Variants in RAB19 observed in about 807,000 individuals in gnomAD.
RAB19 encodes the protein RAB19, member RAS oncogene family.
Under a neutral mutation model 17.3 loss-of-function variants are expected in RAB19, and 21 were observed. That is an observed-to-expected ratio of 1.21 (90% CI 0.86 to 1.74). The LOEUF is 1.74. Ranked by LOEUF, RAB19 falls within the 40% of genes most tolerant of loss-of-function variation. The pLI is 0.00. For missense variants in RAB19, 277 were observed against 286.8 expected (o/e 0.97, Z 0.25); for synonymous variants, 126 against 110.4 (o/e 1.14, Z -0.88).
chr7:140,418,126 C>T (rs1288171314), intron 3 of RAB19, among the ~76,000 whole-genome samples: 2 of 152,072 alleles, frequency 1.3e-5, no homozygotes, highest in East Asian at 3.8e-4. Flanking sequence ...TGACACTGGG[C>T]AGGTTGGTGA....
At chr7:140,424,353 C>T (rs1056881404) in intron 3 of RAB19, among the ~76,000 whole-genome samples, 2 of 151,342 alleles carry the variant, frequency 1.3e-5, no homozygotes, top group Admixed American at 6.6e-5. Context: ...AATGGGGTTT[C>T]GCCATGTTGG....
In RAB19 at chr7:140,407,638, G is replaced by T; in HGVS notation, c.-9G>T. The stretch of plus-strand genomic sequence containing the variant: ...TTTCTTCCTAGTTCTGTTCTAGGTG[G>T]CAAGAACCATGCACTTCTCCAGCTC... On this transcript the variant is annotated 5_prime_UTR_variant, in exon 2 of 4. Coordinates refer to ENST00000537763, the MANE Select transcript of RAB19 (RefSeq NM_001008749.3). 6.2e-7 allele frequency: 1 copy of T among 1,613,720 alleles called. No homozygotes were observed.
At chr7:140,414,187 G>A (rs1479789433) in intron 3 of RAB19, among the ~76,000 whole-genome samples, 2 of 152,118 alleles carry the variant, frequency 1.3e-5, no homozygotes, top group Non-Finnish European at 2.9e-5. Context: ...TGGGATTACA[G>A]GCTCCCGCCA....
At chr7:140,411,637 G>A (rs967428938) in intron 2 of RAB19, among the ~76,000 whole-genome samples, 62 of 152,092 alleles carry the variant, frequency 4.1e-4, no homozygotes, top group African/African-American at 1.3e-3. Flanking sequence ...AATGTGTCCC[G>A]TGGGTTGCGG....
At chr7:140,425,774 G>C (rs1173771449) in intron 3 of RAB19, 108 bp from the exon 4 acceptor site, 5 of 1,140,822 alleles carry the variant, frequency 4.4e-6, no homozygotes, top group Non-Finnish European at 6.3e-6. Flanking sequence ...ATTTGTGAAT[G>C]AATGCATGCA....
At chr7:140,420,746 T>C (rs11971702) in intron 3 of RAB19, among the ~76,000 whole-genome samples, 69,073 of 151,850 alleles carry the variant, frequency 0.45, 15,839 homozygotes, top group Admixed American at 0.57. Context: ...ACCTGCATTC[T>C]GGGCACTAGG....
At chr7:140,425,584 C>T (rs1285576088) in intron 3 of RAB19, among the ~76,000 whole-genome samples, 2 of 151,838 alleles carry the variant, frequency 1.3e-5, no homozygotes, top group African/African-American at 2.4e-5. Flanking sequence ...ACTAGCCGGG[C>T]GTGGTGGCAG....
intron 2 of RAB19, among the ~76,000 whole-genome samples, chr7:140,409,688 ACT>A (rs1338863629): frequency 2.7e-5 from 4 of 148,470 alleles, no homozygotes; most frequent in African/African-American, 1.0e-4. Flanking sequence ...TCAGAGCAAG[ACT>A]CTGTCTCAAA....
At position 140,405,211 on chromosome 7, in the gene RAB19, TTTTG is replaced by T. The variant is rs61483734; in HGVS notation, c.-24+1014_-24+1017del. Among the ~76,000 whole-genome samples, 29 of 150,300 alleles carry T rather than the reference TTTTG, an allele frequency of 1.9e-4. No individual in the cohort carries two copies. The East Asian group carries it at 2.0e-3, about 10-fold the overall frequency. On this transcript the variant is annotated intron_variant, in intron 1 of 3. Transcript: ENST00000537763. ...GAGACAGAGGTTTTTGGTTTTGTGTTTTTGTTTGTTTGTTTGTTTGTTTTTTGAA... is the reference window on the plus strand; with the variant it reads ...GAGACAGAGGTTTTTGGTTTTGTGTTTTTGTTTGTTTGTTTGTTTTTTGAA...
In RAB19 at chr7:140,426,320, C is replaced by A; in HGVS notation, c.*170C>A. Reference sequence around the variant, plus strand: ...CACACTTCTCCCTTGACTCACACCACAGGTCATAGCTGCTGACTCTCAGGA... The same window carrying A: ...CACACTTCTCCCTTGACTCACACCAAAGGTCATAGCTGCTGACTCTCAGGA... On this transcript the variant is annotated 3_prime_UTR_variant, in exon 4 of 4. Transcript: ENST00000537763. The A allele has an allele frequency of 1.5e-6, 1 of 686,008 alleles. No homozygotes were observed. Among genetic ancestry groups the A allele is most frequent in the Non-Finnish European group, 2.4e-6 (1 of 424,026 alleles). 42.5% of individuals were successfully genotyped at this position (686,008 alleles called of 1,614,324 possible).
chr7:140,422,311 C>A (rs1056603393), intron 3 of RAB19, among the ~76,000 whole-genome samples: 5 of 152,008 alleles, frequency 3.3e-5, no homozygotes, highest in Non-Finnish European at 7.4e-5. Flanking sequence ...ATCACTTGAA[C>A]CTGGGAAGTG....
chr7:140,408,039 G>A lies in RAB19; in HGVS notation c.201+192G>A, dbSNP rs529298312. 1.8e-4 allele frequency among the ~76,000 whole-genome samples: 22 copies of A among 123,958 alleles called. 1 individual carries two copies. Among genetic ancestry groups the A allele is most frequent in the Admixed American group, 4.6e-4 (5 of 10,760 alleles). The allele number at this position is 123,958 out of a possible 152,430, so 81.3% of individuals were successfully genotyped here. On this transcript the variant is annotated intron_variant, in intron 2 of 3. Coordinates refer to ENST00000537763, the MANE Select transcript of RAB19 (RefSeq NM_001008749.3). ...ACTACAGGCGCCCGCCACCACGCCC[G>A]GCAAATTTTTTTTTTTTTTATGTAT...
At chr7:140,423,148 A>G (rs2130161374) in intron 3 of RAB19, among the ~76,000 whole-genome samples, 1 of 151,862 alleles carries the variant, frequency 6.6e-6, no homozygotes, top group South Asian at 2.1e-4. Flanking sequence ...TTAAACAAAT[A>G]TTGGTCCTTG....
chr7:140,411,538 T>TAA (rs11449354), intron 2 of RAB19, among the ~76,000 whole-genome samples: 52,825 of 144,690 alleles, frequency 0.37, 10,014 homozygotes, highest in Non-Finnish European at 0.46. Flanking sequence ...CCTGATGAGC[T>TAA]AAAAAAAAAA....
At chr7:140,406,807 C>G (rs1799250326) in intron 1 of RAB19, among the ~76,000 whole-genome samples, 1 of 152,124 alleles carries the variant, frequency 6.6e-6, no homozygotes, top group African/African-American at 2.4e-5. Context: ...TCATGTCACT[C>G]TTCCCCAAGC....
intron 3 of RAB19, among the ~76,000 whole-genome samples, chr7:140,421,040 C>CCAT (rs1799553589): frequency 6.6e-6 from 1 of 151,414 alleles, no homozygotes; most frequent in East Asian, 2.0e-4. Flanking sequence ...TTATAGGCGC[C>CCAT]CACCACCACA....
At chr7:140,420,771 GC>G (rs1191769549) in intron 3 of RAB19, among the ~76,000 whole-genome samples, 6 of 152,068 alleles carry the variant, frequency 3.9e-5, no homozygotes, top group Admixed American at 2.0e-4. Flanking sequence ...CTTGAAGGAG[GC>G]CCCAGCCCTT....
In RAB19 at chr7:140,411,898, C is replaced by G; in HGVS notation, c.226C>G (p.Gln76Glu). 6.2e-7 allele frequency: 1 copy of G among 1,614,192 alleles called. No individual in the cohort carries two copies. The highest frequency in any genetic ancestry group is 8.5e-7 in the Non-Finnish European group (1 of 1,180,038). ...VKMQVWDTAG[Q>E]ERFRTITQSY... is the part of the protein sequence containing the mutation. ...GATGCAGGTGTGGGACACAGCTGGCCAGGAGCGCTTCCGCACCATCACCCA... is the reference window on the plus strand; with the variant it reads ...GATGCAGGTGTGGGACACAGCTGGCGAGGAGCGCTTCCGCACCATCACCCA... The change falls in exon 3 of 4, where the codon CAG becomes GAG. Residue 76 changes from glutamine to glutamate, a missense_variant. Gln to Glu is a conservative substitution (Grantham distance 29). Transcript: ENST00000537763.
chr7:140,415,117 C>T (rs542770243), intron 3 of RAB19, among the ~76,000 whole-genome samples: 38 of 151,552 alleles, frequency 2.5e-4, no homozygotes, highest in Admixed American at 2.2e-3. Flanking sequence ...CTCTGTCGCC[C>T]AGGCTGGAGT....
Sources: gnomAD v4.1 joint callset for allele counts (sites outside exome capture counted in the v4.1 genomes callset) on GRCh38, gnomAD v4.1.1 for gene constraint, MANE v1.5 for transcripts, NCBI Gene and HGNC (gene_info 2026-07-23, HGNC 2026-07-21) for gene names.